STPG2: variants seen among roughly 807,000 people sequenced by gnomAD.
STPG2 encodes sperm tail PG-rich repeat containing 2, also known as sperm-tail PG-rich repeat-containing protein 2.
A neutral mutation model predicts 54.2 loss-of-function variants in STPG2; 56 were observed. The observed-to-expected ratio is 1.03, with a 90% CI of 0.83 to 1.29. The LOEUF is 1.29. Among genes scored for constraint, STPG2 ranks in the 50% most tolerant of loss-of-function variants. The probability of loss-of-function intolerance (pLI) is 0.00; values close to 1 mark genes in which losing one functional copy is unlikely to be tolerated. For missense variants in STPG2, 596 were observed against 544.9 expected, an observed-to-expected ratio of 1.09 and a Z score of -0.93; for synonymous variants, 200 against 181.8, an observed-to-expected ratio of 1.10 and a Z score of -0.81.
At chr4:97,802,864 C>G (rs1002684471) in intron 9 of STPG2, among the ~76,000 whole-genome samples, 3 of 152,106 alleles carry the variant, frequency 2.0e-5, no homozygotes, top group Non-Finnish European at 4.4e-5. Context: ...TTCTAGGTGA[C>G]AGTAATATAT....
chr4:97,760,751 C>T (rs1392879147), intron 9 of STPG2, among the ~76,000 whole-genome samples: 3 of 152,076 alleles, frequency 2.0e-5, no homozygotes, highest in Admixed American at 6.6e-5. Context: ...AACAAACTAC[C>T]ACAAATATAG....
chr4:97,473,495 G>A lies in STPG2; in HGVS notation c.462+239204C>T, dbSNP rs186814187. 6.0e-3 allele frequency among the ~76,000 whole-genome samples: 910 copies of A among 152,196 alleles called. 10 individuals are homozygous for A. Among genetic ancestry groups the A allele is most frequent in the Non-Finnish European group, 9.9e-3 (671 of 68,010 alleles). On this transcript the variant is annotated intron_variant, in intron 4 of 4. Transcript: ENST00000522676. ...GGAAATTCCTGCCTAATAAATTTTGGTCAGACCGGTTGCTCTCAAACCCTG... is the reference window on the plus strand; with the variant it reads ...GGAAATTCCTGCCTAATAAATTTTGATCAGACCGGTTGCTCTCAAACCCTG...
intron 5 of STPG2, among the ~76,000 whole-genome samples, chr4:97,986,197 GT>G (rs1464864387): frequency 6.6e-6 from 1 of 152,160 alleles, no homozygotes; most frequent in Non-Finnish European, 1.5e-5. Flanking sequence ...TAAAATCAAA[GT>G]AGTCGTCTAT....
At chr4:97,787,169 T>C (rs971548618) in intron 9 of STPG2, among the ~76,000 whole-genome samples, 1 of 152,114 alleles carries the variant, frequency 6.6e-6, no homozygotes, top group Non-Finnish European at 1.5e-5. Flanking sequence ...ATAAAGACAG[T>C]TTAATCATCC....
intron 10 of STPG2, among the ~76,000 whole-genome samples, chr4:97,676,791 GATAA>G (rs1165064820): frequency 1.3e-5 from 2 of 152,092 alleles, no homozygotes; most frequent in Non-Finnish European, 2.9e-5. Flanking sequence ...TCTATGCCTT[GATAA>G]ATTAATTAAA....
intron 3 of STPG2, among the ~76,000 whole-genome samples, chr4:98,114,521 A>G (rs1739452800): frequency 6.6e-6 from 1 of 152,080 alleles, no homozygotes; most frequent in Non-Finnish European, 1.5e-5. Flanking sequence ...CATCTTTTAC[A>G]TCACATTTTT....
At chr4:97,877,547 T>G (rs1308971979) in intron 8 of STPG2, among the ~76,000 whole-genome samples, 1 of 151,876 alleles carries the variant, frequency 6.6e-6, no homozygotes, top group African/African-American at 2.4e-5. Context: ...CAAGAGAAAA[T>G]GAGGATGAAG....
intron 4 of STPG2, among the ~76,000 whole-genome samples, chr4:97,537,424 C>T (rs1437180682): frequency 1.3e-5 from 2 of 152,312 alleles, no homozygotes; most frequent in South Asian, 2.1e-4. Flanking sequence ...GAGGGTCCCA[C>T]ACCCTCAGAG....
At chr4:97,919,909 GC>G (rs1202763169) in intron 8 of STPG2, among the ~76,000 whole-genome samples, 1 of 152,006 alleles carries the variant, frequency 6.6e-6, no homozygotes, top group African/African-American at 2.4e-5. Context: ...TGCCAACACT[GC>G]CCTCCTTGAA....
intron 8 of STPG2, among the ~76,000 whole-genome samples, chr4:97,898,267 T>C (rs375778923): frequency 1.3e-5 from 2 of 152,152 alleles, no homozygotes; most frequent in African/African-American, 4.8e-5. Context: ...AATATGTGTC[T>C]GCTTTTGTAT....
chr4:97,759,631 A>G (rs1725830869), intron 9 of STPG2, among the ~76,000 whole-genome samples: 1 of 152,180 alleles, frequency 6.6e-6, no homozygotes. Flanking sequence ...GGATTTAGCA[A>G]TTCCCAGGTG....
chr4:97,946,694 G>C (rs537370443), intron 7 of STPG2, among the ~76,000 whole-genome samples: 2 of 152,114 alleles, frequency 1.3e-5, no homozygotes, highest in Non-Finnish European at 2.9e-5. Flanking sequence ...TCAAAGATCA[G>C]TTGGTTGTAA....
chr4:97,892,112 A>G (rs965168051), intron 8 of STPG2, among the ~76,000 whole-genome samples: 2 of 152,140 alleles, frequency 1.3e-5, no homozygotes, highest in African/African-American at 2.4e-5. Flanking sequence ...ACCCTATTAT[A>G]ATCTTTGTGC....
At chr4:97,712,324 T>G (rs916357704) in intron 10 of STPG2, among the ~76,000 whole-genome samples, 2 of 152,164 alleles carry the variant, frequency 1.3e-5, no homozygotes, top group African/African-American at 2.4e-5. Flanking sequence ...CAATTTTATT[T>G]GATCCACAGG....
chr4:97,476,738 C>T (rs2148818140), intron 4 of STPG2, among the ~76,000 whole-genome samples: 1 of 152,238 alleles, frequency 6.6e-6, no homozygotes, highest in African/African-American at 2.4e-5. Context: ...ATTTTGGAAG[C>T]AGTTTTGCAG....
chr4:97,512,034 T>C (rs1195786217), intron 4 of STPG2, among the ~76,000 whole-genome samples: 2 of 152,048 alleles, frequency 1.3e-5, no homozygotes, highest in East Asian at 1.9e-4. Context: ...AACTTTTTTT[T>C]CTTATAATCT....
intron 8 of STPG2, among the ~76,000 whole-genome samples, chr4:97,847,082 C>A (rs1000522351): frequency 6.6e-6 from 1 of 151,954 alleles, no homozygotes; most frequent in Non-Finnish European, 1.5e-5. Context: ...AAATCTTTAA[C>A]CAAATATATA....
chr4:97,771,866 G>C (rs1286576729), intron 9 of STPG2, among the ~76,000 whole-genome samples: 1 of 152,198 alleles, frequency 6.6e-6, no homozygotes, highest in Non-Finnish European at 1.5e-5. Context: ...TGTCAGTGTG[G>C]AAAAGTAGGC....
intron 8 of STPG2, among the ~76,000 whole-genome samples, chr4:97,941,328 G>A (rs1308197991): frequency 6.6e-6 from 1 of 152,024 alleles, no homozygotes; most frequent in African/African-American, 2.4e-5. Context: ...TTGGCATTCT[G>A]TTAAGCTCCT....
Sources: gnomAD v4.1 joint callset for allele counts (sites outside exome capture counted in the v4.1 genomes callset) on GRCh38, gnomAD v4.1.1 for gene constraint, MANE v1.5 for transcripts, NCBI Gene and HGNC (gene_info 2026-07-23, HGNC 2026-07-21) for gene names.